WDFY4: variants seen among roughly 807,000 people sequenced by gnomAD.
The protein encoded by WDFY4 is WD repeat- and FYVE domain-containing protein 4.
WDFY4 carries 169 observed loss-of-function variants against 351.9 expected under a neutral mutation model. The ratio of observed to expected loss-of-function variants is 0.48; its 90% confidence interval spans 0.42 to 0.55. The LOEUF (loss-of-function observed/expected upper bound fraction) is 0.55, where lower values mean the gene tolerates loss of function less well. WDFY4 is among the 20% of genes least tolerant of loss of function. The pLI is 0.00. For synonymous variants in WDFY4, 1,622 were observed against 1,574.6 expected (o/e 1.03, Z -0.71); for missense variants, 3,803 against 3,935.6 (o/e 0.97, Z 0.90).
intron 43 of WDFY4, among the ~76,000 whole-genome samples, chr10:48,879,589 G>A (rs2070165830): frequency 6.6e-6 from 1 of 152,222 alleles, no homozygotes; most frequent in South Asian, 2.1e-4. Context: ...GCACAGTGGG[G>A]CTCAGCAGAT....
At chr10:48,830,573 T>A in intron 37 of WDFY4, 127 bp from the exon 38 acceptor site, 1 of 1,046,458 alleles carries the variant, frequency 9.6e-7, no homozygotes, top group Non-Finnish European at 1.4e-6. Context: ...CTTGCAAAGC[T>A]GGGGTGATGT....
intron 6 of WDFY4, among the ~76,000 whole-genome samples, chr10:48,726,434 A>G (rs2132308682): frequency 6.6e-6 from 1 of 152,350 alleles, no homozygotes; most frequent in African/African-American, 2.4e-5. Flanking sequence ...GGGAAAATAA[A>G]CATTAAGACT....
intron 13 of WDFY4, among the ~76,000 whole-genome samples, chr10:48,761,591 T>A (rs768825744): frequency 1.3e-5 from 2 of 152,142 alleles, no homozygotes; most frequent in Admixed American, 1.3e-4. Flanking sequence ...GACTCTCAAG[T>A]GTCTGTCCCG....
intron 35 of WDFY4, among the ~76,000 whole-genome samples, chr10:48,824,936 AT>A (rs2067945528): frequency 6.6e-6 from 1 of 152,190 alleles, no homozygotes; most frequent in Non-Finnish European, 1.5e-5. Flanking sequence ...GTGAGCCACC[AT>A]ACCCAGCCAT....
chr10:48,760,327 G>A lies in WDFY4; in HGVS notation c.2460-20G>A. 1.3e-6 allele frequency: 2 copies of A among 1,550,158 alleles called. No individual in the cohort carries two copies. Among genetic ancestry groups the A allele is most frequent in the Non-Finnish European group, 1.7e-6 (2 of 1,145,928 alleles). On this transcript the variant is annotated intron_variant, in intron 12 of 61. Transcript: ENST00000325239. ...ACTGGAAGGTCCGTGTCTCATGTCT[G>A]GCTCTCCCTCTCTCTGCAGGATGGA...
chr10:48,696,834 C>G (rs909233364), intron 1 of WDFY4, among the ~76,000 whole-genome samples: 3 of 152,244 alleles, frequency 2.0e-5, no homozygotes, highest in Admixed American at 6.5e-5. Context: ...TACTGGACAC[C>G]CTCTCACATA....
rs116779490 is a variant in WDFY4 at position 48,960,978 on chromosome 10, C to T, written c.8223+1165C>T. On this transcript the variant is annotated intron_variant, in intron 53 of 61. Transcript: ENST00000325239. ...GGGGGACTTTTTGAGCCGAGGGAAA[C>T]GTTCTATGTCTTGACTGTGGTGATG... Among the ~76,000 whole-genome samples the T allele has an allele frequency of 5.9e-3, 897 of 152,290 alleles. 9 individuals are homozygous for T. Among genetic ancestry groups the T allele is most frequent in the African/African-American group, 0.02 (828 of 41,552 alleles).
chr10:48,948,413 G>T (rs1327313055), intron 51 of WDFY4, among the ~76,000 whole-genome samples: 1 of 152,220 alleles, frequency 6.6e-6, no homozygotes, highest in Non-Finnish European at 1.5e-5. Flanking sequence ...GATAGTGATG[G>T]ATTCCGCCAC....
At chr10:48,689,245 A>G (rs2063135238) in intron 1 of WDFY4, among the ~76,000 whole-genome samples, 1 of 152,246 alleles carries the variant, frequency 6.6e-6, no homozygotes, top group African/African-American at 2.4e-5. Flanking sequence ...CAAAATGCAG[A>G]TAGATGATAT....
intron 1 of WDFY4, among the ~76,000 whole-genome samples, chr10:48,698,689 G>A (rs896461715): frequency 3.9e-5 from 6 of 152,278 alleles, no homozygotes; most frequent in Admixed American, 2.6e-4. Context: ...AAAGTTTAAC[G>A]CTGTGCATGC....
chr10:48,703,256 G>T (rs921111865), intron 1 of WDFY4, among the ~76,000 whole-genome samples: 1 of 152,148 alleles, frequency 6.6e-6, no homozygotes, highest in Admixed American at 6.5e-5. Flanking sequence ...TGTTTGGATC[G>T]GCTGACAAGC....
intron 60 of WDFY4, chr10:48,979,568 A>AAGGAT (rs1842721338): frequency 2.1e-5 from 3 of 145,038 alleles, no homozygotes; most frequent in African/African-American, 7.7e-5. Context: ...GATGGATGGA[A>AAGGAT]GGATGGATGG....
chr10:48,709,680 G>C (rs1373831139), intron 1 of WDFY4, 36 bp from the exon 2 acceptor site: 1 of 1,515,718 alleles, frequency 6.6e-7, no homozygotes, highest in Non-Finnish European at 9.0e-7. Flanking sequence ...GAAGTGATGT[G>C]ACAGGAATGT....
chr10:48,878,533 C>T (rs2070120410), intron 43 of WDFY4: 1 of 152,342 alleles, frequency 6.6e-6, no homozygotes, highest in Non-Finnish European at 1.5e-5. Context: ...TGTCCTTATA[C>T]CTGCATAACC....
At chr10:48,904,716 C>T (rs1837528352) in intron 47 of WDFY4, among the ~76,000 whole-genome samples, 1 of 152,198 alleles carries the variant, frequency 6.6e-6, no homozygotes, top group Admixed American at 6.5e-5. Flanking sequence ...AGCAAAACTT[C>T]CCAAACTGTC....
intron 59 of WDFY4, chr10:48,977,207 CAG>C: frequency 2.9e-6 from 1 of 343,088 alleles, no homozygotes; most frequent in Non-Finnish European, 5.2e-6. Context: ...CACACACACA[CAG>C]ACACACACTA....
rs1215977031 is a variant in WDFY4 at position 48,743,407 on chromosome 10, T to C, written c.2318T>C (p.Met773Thr). 9.0e-6 allele frequency: 14 copies of C among 1,551,578 alleles called. No homozygotes were observed. Among genetic ancestry groups the C allele is most frequent in the Non-Finnish European group, 1.2e-5 (14 of 1,146,990 alleles). ...CAGATCCTTGGCTTTCTGGACAGCA[T>C]GGCCAGCGGCACCCTCCACTTGCGT... Reference protein sequence around the residue: ...CLQILGFLDSMASGTLHLRGD... With the variant: ...CLQILGFLDSTASGTLHLRGD... The change falls in exon 12 of 62, where the codon ATG becomes ACG. Residue 773 changes from methionine to threonine, a missense_variant. Physicochemically the swap from Met to Thr is moderately conservative, Grantham distance 81. Transcript: ENST00000325239.
At chr10:48,926,608 G>A (rs1156659281) in intron 47 of WDFY4, among the ~76,000 whole-genome samples, 1 of 152,166 alleles carries the variant, frequency 6.6e-6, no homozygotes, top group African/African-American at 2.4e-5. Flanking sequence ...GTGACCCATT[G>A]TCTGCTCACT....
At chr10:48,866,700 T>C (rs923380458) in intron 39 of WDFY4, among the ~76,000 whole-genome samples, 1 of 152,184 alleles carries the variant, frequency 6.6e-6, no homozygotes, top group African/African-American at 2.4e-5. Context: ...AGGAGGAAGG[T>C]TGAGCTACTG....
Sources: gnomAD v4.1 joint callset for allele counts (sites outside exome capture counted in the v4.1 genomes callset) on GRCh38, gnomAD v4.1.1 for gene constraint, MANE v1.5 for transcripts, NCBI Gene and HGNC (gene_info 2026-07-23, HGNC 2026-07-21) for gene names.